Variants in SLC19A3 observed in about 807,000 individuals in gnomAD.
The protein encoded by SLC19A3 is solute carrier family 19 member 3.
SLC19A3 carries 31 observed loss-of-function variants against 40.2 expected under a neutral mutation model. The ratio of observed to expected loss-of-function variants is 0.77; its 90% CI spans 0.58 to 1.04. The LOEUF (loss-of-function observed/expected upper bound fraction) is 1.04. Ranked by LOEUF, SLC19A3 falls within the 50% of genes least tolerant of loss-of-function variation. SLC19A3 has a pLI of 0.00. For missense variants in SLC19A3, 592 were observed against 596.7 expected, an observed-to-expected ratio of 0.99 and a Z score of 0.08; for synonymous variants, 212 against 227.5, an observed-to-expected ratio of 0.93 and a Z score of 0.61.
At chr2:227,711,110 T>G (rs993146573) in intron 1 of SLC19A3, among the ~76,000 whole-genome samples, 5 of 152,200 alleles carry the variant, frequency 3.3e-5, no homozygotes, top group Non-Finnish European at 7.3e-5. Flanking sequence ...ACCGTCGTTC[T>G]GCTGCAGTCA....
Position 227,685,995 on chromosome 2 carries a change from G to A in SLC19A3, c.*1402C>T. 1 of 249,000 alleles carries A rather than the reference G, an allele frequency of 4.0e-6. No individual in the cohort carries two copies. Among genetic ancestry groups the A allele is most frequent in the Non-Finnish European group, 8.3e-6 (1 of 120,316 alleles). The allele number at this position is 249,000 out of a possible 1,614,324, so 15.4% of individuals were successfully genotyped here. A position where few individuals can be genotyped will look rare whatever the true frequency, so the allele number is the denominator to read the frequency against. The stretch of plus-strand genomic sequence containing the variant: ...ACAGATCACCTGAAGTCAGGAGTTT[G>A]AGACCAGCCTGGCCAACATTGTGAA... On this transcript the variant is annotated 3_prime_UTR_variant, in exon 6 of 6. Coordinates refer to ENST00000644224, the MANE Select transcript of SLC19A3 (RefSeq NM_025243.4).
At chr2:227,707,768 C>T in intron 1 of SLC19A3, among the ~76,000 whole-genome samples, 1 of 152,108 alleles carries the variant, frequency 6.6e-6, no homozygotes, top group Non-Finnish European at 1.5e-5. Flanking sequence ...CACTCTATTG[C>T]CCAGGCTGGA....
chr2:227,695,315 C>T (rs1264289866), intron 4 of SLC19A3, among the ~76,000 whole-genome samples: 1 of 151,874 alleles, frequency 6.6e-6, no homozygotes, highest in African/African-American at 2.4e-5. Flanking sequence ...CAAATCCTGA[C>T]AATGATGCCA....
chr2:227,696,215 G>T (rs1025401824), intron 3 of SLC19A3, 134 bp from the exon 4 acceptor site: 1 of 811,236 alleles, frequency 1.2e-6, no homozygotes, highest in Non-Finnish European at 2.1e-6. Flanking sequence ...TTGTGTGATC[G>T]ACCTGAATGT....
intron 1 of SLC19A3, among the ~76,000 whole-genome samples, chr2:227,712,894 G>C (rs1001375109): frequency 6.6e-6 from 1 of 152,024 alleles, no homozygotes; most frequent in African/African-American, 2.4e-5. Flanking sequence ...CGGATTGGTG[G>C]TTGCCTGGGG....
At chr2:227,712,533 G>A (rs1176300673) in intron 1 of SLC19A3, among the ~76,000 whole-genome samples, 1 of 152,168 alleles carries the variant, frequency 6.6e-6, no homozygotes, top group Non-Finnish European at 1.5e-5. Context: ...CATACCAAAT[G>A]TTGGCAAAGA....
intron 3 of SLC19A3, among the ~76,000 whole-genome samples, chr2:227,697,566 C>T (rs1695485705): frequency 6.6e-6 from 1 of 152,116 alleles, no homozygotes; most frequent in Admixed American, 6.6e-5. Flanking sequence ...CTAGCTAGTT[C>T]AAATCCTGTA....
chr2:227,696,260 G>C (rs1401672057), intron 3 of SLC19A3, among the ~76,000 whole-genome samples, 179 bp from the exon 4 acceptor site: 8 of 152,116 alleles, frequency 5.3e-5, no homozygotes, highest in Admixed American at 4.6e-4. Flanking sequence ...TCTTCTTTTG[G>C]CTTTTCTTTT....
chr2:227,712,141 C>T (rs1160024692), intron 1 of SLC19A3, among the ~76,000 whole-genome samples: 2 of 149,188 alleles, frequency 1.3e-5, no homozygotes, highest in African/African-American at 2.5e-5. Context: ...CAGTGGCTCA[C>T]GACTGTAATC....
At chr2:227,716,671 T>C (rs565817992) in intron 1 of SLC19A3, among the ~76,000 whole-genome samples, 9 of 152,120 alleles carry the variant, frequency 5.9e-5, no homozygotes, top group Non-Finnish European at 1.2e-4. Flanking sequence ...GTAACCTCAT[T>C]TGCCAGGGTA....
At chr2:227,705,746 G>A (rs1302244898) in intron 1 of SLC19A3, among the ~76,000 whole-genome samples, 1 of 152,100 alleles carries the variant, frequency 6.6e-6, no homozygotes, top group Non-Finnish European at 1.5e-5. Flanking sequence ...AGGAAGAATG[G>A]CTAATGGATG....
chr2:227,716,235 C>A (rs770270305), intron 1 of SLC19A3, among the ~76,000 whole-genome samples: 1 of 152,176 alleles, frequency 6.6e-6, no homozygotes, highest in Non-Finnish European at 1.5e-5. Flanking sequence ...GTCTTCCTTT[C>A]CCCCATGGAA....
rs2106318142 is a variant in SLC19A3 at position 227,688,217 on chromosome 2, C to T, written c.1263G>A (p.Met421Ile). The change falls in exon 5 of 6, where the codon ATG becomes ATA. Residue 421 changes from methionine to isoleucine, a missense_variant. Transcript: ENST00000644224. ...CTCTCTGATCTACTACAATCACAGT[C>T]ATGATGGTCTGAATCACCAAGGCAA... is the stretch of plus-strand genomic sequence containing the variant. ...TFIALVIQTIMTVIVVDQRGL... is the reference protein window; with the variant it reads ...TFIALVIQTIITVIVVDQRGL... 6.2e-7 allele frequency: 1 copy of T among 1,614,078 alleles called. No homozygotes were observed. Among genetic ancestry groups the T allele is most frequent in the African/African-American group, 1.3e-5 (1 of 75,044 alleles).
chr2:227,709,418 G>A (rs932942527), intron 1 of SLC19A3, among the ~76,000 whole-genome samples: 4 of 152,142 alleles, frequency 2.6e-5, no homozygotes, highest in African/African-American at 9.7e-5. Flanking sequence ...CTGGGAAGTG[G>A]AGGTTGCAAA....
rs146427145 is a variant in SLC19A3 at position 227,701,230 on chromosome 2, C to G, written c.150+939G>C. On this transcript the variant is annotated intron_variant, in intron 2 of 5. Transcript: ENST00000644224. ...TCAGCCTTGCAGGCGAAGCCACACA[C>G]TTTACACAGTGTTTTCAAGGCTAAG... is the stretch of plus-strand genomic sequence containing the variant. 29 of 513,428 alleles carry G rather than the reference C, an allele frequency of 5.6e-5. 1 individual carries two copies. The East Asian group carries it at 2.1e-3, about 38-fold the overall frequency. 31.8% of individuals were successfully genotyped at this position (513,428 alleles called of 1,614,324 possible).
intron 1 of SLC19A3, among the ~76,000 whole-genome samples, chr2:227,712,895 T>A (rs1017643331): frequency 9.2e-5 from 14 of 152,086 alleles, no homozygotes; most frequent in Non-Finnish European, 4.4e-5. Flanking sequence ...GGATTGGTGG[T>A]TGCCTGGGGT....
At position 227,695,874 on chromosome 2, in the gene SLC19A3, G is replaced by C. The variant is rs755280555; in HGVS notation, c.1172+15C>G. On this transcript the variant is annotated intron_variant, in intron 4 of 5. Transcript: ENST00000644224. ...GGAATACAGTTCAGTTTTAGGAGTG[G>C]TTGGTAAAACTTACACTGCTATGGT... 6.2e-7 allele frequency: 1 copy of C among 1,611,736 alleles called. No individual in the cohort carries two copies. The highest frequency in any genetic ancestry group is 2.2e-5 in the East Asian group (1 of 44,878).
chr2:227,702,138 C>A, intron 2 of SLC19A3, 31 bp downstream of exon 2: 1 of 1,592,482 alleles, frequency 6.3e-7, no homozygotes, highest in South Asian at 1.1e-5. Flanking sequence ...TTTAAAAAAC[C>A]ACATTAAGAT....
rs113074927 is a variant in SLC19A3 at position 227,698,453 on chromosome 2, GCCTA to G, written c.979+279_979+282del. 0.041 allele frequency among the ~76,000 whole-genome samples: 6,227 copies of G among 151,938 alleles called. 424 individuals carry two copies. The highest frequency in any genetic ancestry group is 0.14 in the African/African-American group (5,875 of 41,406). On this transcript the variant is annotated intron_variant, in intron 3 of 5. Transcript: ENST00000644224. Reference sequence around the variant, plus strand: ...TGGGACTACAGGTGCCCGCCACCACGCCTACCTATTTTATTTTTTGTATTTTTAG... The same window carrying G: ...TGGGACTACAGGTGCCCGCCACCACGCCTATTTTATTTTTTGTATTTTTAG...
Sources: allele counts gnomAD v4.1 joint callset (sites outside exome capture counted in the v4.1 genomes callset), GRCh38; gene constraint gnomAD v4.1.1; transcripts MANE v1.5; gene names NCBI Gene and HGNC (gene_info 2026-07-23, HGNC 2026-07-21).